NLRP11: variants seen among roughly 807,000 people sequenced by gnomAD.
NLRP11 encodes NACHT, LRR and PYD domains-containing protein 11.
Under a neutral mutation model 79.3 loss-of-function variants are expected in NLRP11, and 53 were observed. That is an observed-to-expected ratio of 0.67 (90% CI 0.54 to 0.84). NLRP11 has a LOEUF of 0.84. NLRP11 is among the 40% of genes least tolerant of loss of function. NLRP11 has a pLI of 0.00. For missense variants in NLRP11, 1,264 were observed against 1,255.0 expected (o/e 1.01, Z -0.11); for synonymous variants, 518 against 462.6 (o/e 1.12, Z -1.54).
chr19:55,821,740 T>G lies in NLRP11; in HGVS notation c.-62-3504A>C, dbSNP rs1409387177. Among the ~76,000 whole-genome samples, 9 of 146,862 alleles carry G rather than the reference T, an allele frequency of 6.1e-5. No individual in the cohort carries two copies. The East Asian group carries it at 1.6e-3, about 27-fold the overall frequency. On this transcript the variant is annotated intron_variant, in intron 1 of 9. Transcript: ENST00000589093. ...TGGGAGAACCCATTAACATTGTTAGTGATGGGAGAACCCATTAACATTGTT... is the reference window on the plus strand; with the variant it reads ...TGGGAGAACCCATTAACATTGTTAGGGATGGGAGAACCCATTAACATTGTT...
rs2547266 is a variant in NLRP11, at chr19:55,822,297, T to G, written c.-62-4061A>C. On this transcript the variant is annotated intron_variant, in intron 1 of 9. Coordinates refer to ENST00000589093, the Ensembl canonical transcript of NLRP11. The stretch of plus-strand genomic sequence containing the variant: ...ATAAAAAAAGATTGCCTTAGTCTCA[T>G]TGGAATTTCTCTTCTCTCTCACCCT... Among the ~76,000 whole-genome samples the G allele has an allele frequency of 4.0e-3, 614 of 152,020 alleles. 21 individuals carry two copies. In the East Asian group the frequency reaches 0.087, roughly 22 times the overall value.
intron 5 of NLRP11, among the ~76,000 whole-genome samples, chr19:55,796,898 A>C (rs1488844413): frequency 1.3e-5 from 2 of 152,050 alleles, no homozygotes; most frequent in Non-Finnish European, 2.9e-5. Context: ...CATGTTGGCC[A>C]GGCTGGTCTT....
At chr19:55,796,806 G>T (rs7245739) in intron 5 of NLRP11, among the ~76,000 whole-genome samples, 1 of 151,322 alleles carries the variant, frequency 6.6e-6, no homozygotes, top group Admixed American at 6.6e-5. Flanking sequence ...CTCCTGCCTC[G>T]GCCTCCCGAG....
At chr19:55,834,574 A>G (rs920633658), upstream of NLRP11, among the ~76,000 whole-genome samples, 9 of 152,126 alleles carry the variant, frequency 5.9e-5, no homozygotes, top group African/African-American at 2.2e-4. Context: ...TGAAGAGGCA[A>G]CTGAAGTCAC....
chr19:55,798,372 C>T, intron 5 of NLRP11: 5 of 980,914 alleles, frequency 5.1e-6, no homozygotes, highest in Non-Finnish European at 6.1e-6. Flanking sequence ...CAAGATCTGA[C>T]TTAGATTGCC....
intron 9 of NLRP11, among the ~76,000 whole-genome samples, 191 bp from the exon 10 acceptor site, chr19:55,786,062 T>C (rs1989862270): frequency 6.6e-6 from 1 of 152,236 alleles, no homozygotes; most frequent in Non-Finnish European, 1.5e-5. Context: ...AATATTAGAA[T>C]GTAAGACAAG....
At chr19:55,803,954 T>G (rs1233308848) in intron 4 of NLRP11, among the ~76,000 whole-genome samples, 1 of 152,162 alleles carries the variant, frequency 6.6e-6, no homozygotes, top group African/African-American at 2.4e-5. Context: ...TGGTGGTGCA[T>G]GTCTGTAATC....
At chr19:55,791,956 C>T (rs1261403957) in intron 7 of NLRP11, among the ~76,000 whole-genome samples, 3 of 152,236 alleles carry the variant, frequency 2.0e-5, no homozygotes, top group African/African-American at 4.8e-5. Context: ...ATATTCACTG[C>T]CTCAGAAATT....
chr19:55,804,057 G>C (rs918784261), intron 4 of NLRP11, among the ~76,000 whole-genome samples: 1 of 152,176 alleles, frequency 6.6e-6, no homozygotes, highest in African/African-American at 2.4e-5. Flanking sequence ...ACCCTAGCCT[G>C]GGTGACAGAG....
At chr19:55,791,317 G>T (rs139336843) in intron 7 of NLRP11, among the ~76,000 whole-genome samples, 215 of 152,244 alleles carry the variant, frequency 1.4e-3, no homozygotes, top group African/African-American at 5.0e-3. Context: ...TTTCCCCAAG[G>T]CAGCTTTCCC....
chr19:55,830,020 A>G (rs578197760), intron 1 of NLRP11, among the ~76,000 whole-genome samples: 2 of 152,322 alleles, frequency 1.3e-5, no homozygotes, highest in South Asian at 2.1e-4. Context: ...ACAAGTTGTC[A>G]TACATCTCCC....
chr19:55,822,111 A>T (rs1415723396), intron 1 of NLRP11, among the ~76,000 whole-genome samples: 1 of 152,104 alleles, frequency 6.6e-6, no homozygotes, highest in African/African-American at 2.4e-5. Flanking sequence ...ATACAAAAAA[A>T]TTAGGCAAGC....
chr19:55,787,961 G>C (rs894311784), intron 9 of NLRP11, among the ~76,000 whole-genome samples: 1 of 152,100 alleles, frequency 6.6e-6, no homozygotes, highest in Non-Finnish European at 1.5e-5. Flanking sequence ...CCTAGCCCTG[G>C]ATGACATCTT....
chr19:55,808,809 T>C (rs377706719), exon 3 of NLRP11: 1 of 1,611,508 alleles, frequency 6.2e-7, no homozygotes, highest in East Asian at 2.2e-5. Context: ...TTTTGAAAGA[T>C]GCGCTGAACA....
intron 2 of NLRP11, among the ~76,000 whole-genome samples, chr19:55,817,458 A>AACACAC (rs34098302): frequency 1.3e-5 from 2 of 150,978 alleles, no homozygotes; most frequent in Non-Finnish European, 3.0e-5. Flanking sequence ...AGAAATTATG[A>AACACAC]ACACACACAC....
intron 4 of NLRP11, among the ~76,000 whole-genome samples, chr19:55,802,347 AC>A (rs1979559062): frequency 3.3e-5 from 5 of 152,236 alleles, no homozygotes; most frequent in Admixed American, 2.6e-4. Context: ...AAATCAATGT[AC>A]AAAAATCACT....
chr19:55,792,628 A>G (rs773044334), intron 6 of NLRP11, among the ~76,000 whole-genome samples, 157 bp from the exon 7 acceptor site: 1 of 152,218 alleles, frequency 6.6e-6, no homozygotes, highest in Non-Finnish European at 1.5e-5. Flanking sequence ...GGAGATTAGA[A>G]GTACCCCAAA....
At chr19:55,830,770 A>G (rs1241636802) in intron 1 of NLRP11, among the ~76,000 whole-genome samples, 1 of 152,158 alleles carries the variant, frequency 6.6e-6, no homozygotes, top group Non-Finnish European at 1.5e-5. Context: ...TAAGGTGCCA[A>G]CTGAACTATG....
Position 55,789,403 on chromosome 19 carries a change from C to T in NLRP11, c.2514-4G>A, listed in dbSNP as rs1990104636. 1 of 1,608,904 alleles carries T rather than the reference C, an allele frequency of 6.2e-7. No individual in the cohort carries two copies. Among genetic ancestry groups the T allele is most frequent in the Non-Finnish European group, 8.5e-7 (1 of 1,178,108 alleles). ...GCTAAAGAAACAGCCAGACAGACTG[C>T]AAAACAGAAACATGAGCTAGAGTCA... On this transcript the variant is annotated splice_polypyrimidine_tract_variant and splice_region_variant and intron_variant, in intron 7 of 9. Transcript: ENST00000589093.
Sources: gnomAD v4.1 joint callset for allele counts (sites outside exome capture counted in the v4.1 genomes callset) on GRCh38, gnomAD v4.1.1 for gene constraint, MANE v1.5 for transcripts, NCBI Gene and HGNC (gene_info 2026-07-23, HGNC 2026-07-21) for gene names.